Variants in BAZ2B observed in about 807,000 individuals in gnomAD.
BAZ2B encodes bromodomain adjacent to zinc finger domain protein 2B.
Under a neutral mutation model 246.0 loss-of-function variants are expected in BAZ2B, and 91 were observed. The ratio of observed to expected loss-of-function variants is 0.37; its 90% CI spans 0.31 to 0.44. The LOEUF (loss-of-function observed/expected upper bound fraction) is 0.44. BAZ2B is among the 20% of genes least tolerant of loss of function. The probability of loss-of-function intolerance (pLI) is 1.00; values close to 1 mark genes in which losing one functional copy is unlikely to be tolerated. For synonymous variants in BAZ2B, 855 were observed against 860.0 expected, an observed-to-expected ratio of 0.99 and a Z score of 0.10; for missense variants, 2,332 against 2,533.7, an observed-to-expected ratio of 0.92 and a Z score of 1.71.
intron 25 of BAZ2B, among the ~76,000 whole-genome samples, chr2:159,381,077 G>A (rs2061945469): frequency 6.6e-6 from 1 of 152,010 alleles, no homozygotes. Context: ...GAGCCTTGTG[G>A]GCTCCTATTA....
Position 159,382,754 on chromosome 2 carries a change from A to G in BAZ2B, c.3810T>C (p.Gly1270=). 1 of 1,613,744 alleles carries G rather than the reference A, an allele frequency of 6.2e-7. No individual in the cohort carries two copies. Among genetic ancestry groups the G allele is most frequent in the African/African-American group, 1.3e-5 (1 of 75,008 alleles). ...GCTGCTCTTCTCCCAGATCAATGCC[A>G]CCTGAAGTGTCTCTTTTGCCTGTTT... ...AKKTGKRDTS[G]GIDLGEEQHP... Residue 1270 remains glycine, a synonymous_variant, in exon 25 of 37, where the codon GGT becomes GGC. Transcript: ENST00000392783.
At chr2:159,519,071 A>C (rs2083749610) in intron 2 of BAZ2B, among the ~76,000 whole-genome samples, 1 of 152,142 alleles carries the variant, frequency 6.6e-6, no homozygotes. Flanking sequence ...CAGAGTGATA[A>C]CATAAGGAAA....
intron 1 of BAZ2B, among the ~76,000 whole-genome samples, chr2:159,588,401 G>A (rs1255944859): frequency 6.6e-6 from 1 of 151,900 alleles, no homozygotes; most frequent in Non-Finnish European, 1.5e-5. Flanking sequence ...GTTCATGCCT[G>A]TAATCTCAAC....
chr2:159,643,099 T>C, the BAZ2B span, among the ~76,000 whole-genome samples: 2 of 152,262 alleles, frequency 1.3e-5, no homozygotes, highest in Non-Finnish European at 2.9e-5. Flanking sequence ...TATGATAGAC[T>C]TGAATATCAC....
At chr2:159,641,426 A>G in the BAZ2B span, among the ~76,000 whole-genome samples, 1 of 151,892 alleles carries the variant, frequency 6.6e-6, no homozygotes, top group South Asian at 2.1e-4. Context: ...TTTTCTTGTA[A>G]ATTTGTTTAA....
intron 1 of BAZ2B, among the ~76,000 whole-genome samples, chr2:159,584,663 A>G (rs942292842): frequency 6.6e-6 from 1 of 152,218 alleles, no homozygotes; most frequent in African/African-American, 2.4e-5. Flanking sequence ...AAGAAGAGTC[A>G]AGAATGTAGA....
chr2:159,476,890 A>G lies in BAZ2B; in HGVS notation c.145+1685T>C, dbSNP rs2150900452. ...TCGCTATTTTTGAGCACAGTATATC[A>G]TCAGAGGCTTGGACACTTACAGTCC... On this transcript the variant is annotated intron_variant, in intron 3 of 36. Coordinates refer to ENST00000392783, the MANE Select transcript of BAZ2B (RefSeq NM_013450.4). Among the ~76,000 whole-genome samples the G allele has an allele frequency of 2.0e-5, 3 of 152,366 alleles. No individual in the cohort carries two copies. In the South Asian group the frequency reaches 6.2e-4, roughly 32 times the overall value.
Position 159,349,100 on chromosome 2 carries a change from C to G in BAZ2B, c.5044G>C (p.Val1682Leu). The G allele has an allele frequency of 6.2e-7, 1 of 1,614,038 alleles. No individual in the cohort carries two copies. Among genetic ancestry groups the G allele is most frequent in the Non-Finnish European group, 8.5e-7 (1 of 1,179,960 alleles). ...GAAGTGGCCTTTTCATTCTGTGGTA[C>G]TGGAGATTCACTTTTACTTGAAGCA... is the stretch of plus-strand genomic sequence containing the variant. ...NVASSKSESPVPQNEKATSAQ... is the reference protein window; with the variant it reads ...NVASSKSESPLPQNEKATSAQ... The change falls in exon 29 of 37, where the codon GTA (valine) becomes CTA (leucine). Residue 1682 changes from valine to leucine, a missense_variant. By Grantham distance (32) the Val-to-Leu change is conservative (BLOSUM62 1). Coordinates refer to ENST00000392783, the MANE Select transcript of BAZ2B (RefSeq NM_013450.4).
rs1357579112 is a variant in BAZ2B at position 159,348,923 on chromosome 2, GAA to G, written c.5137+82_5137+83del. Reference sequence around the variant, plus strand: ...TAAAAAGATTTATTAACTATATATAGAACCATCAAATATTCAGTTATAATACA... The same window carrying G: ...TAAAAAGATTTATTAACTATATATAGCCATCAAATATTCAGTTATAATACA... On this transcript the variant is annotated intron_variant, in intron 29 of 36. Transcript: ENST00000392783. 3 of 1,550,946 alleles carry G rather than the reference GAA, an allele frequency of 1.9e-6. No individual in the cohort carries two copies. In the Admixed American group the frequency reaches 5.7e-5, roughly 30 times the overall value.
intron 30 of BAZ2B, among the ~76,000 whole-genome samples, chr2:159,348,223 G>A (rs2058167736): frequency 6.6e-6 from 1 of 150,382 alleles, no homozygotes; most frequent in Non-Finnish European, 1.5e-5. Flanking sequence ...AGAAGGCTGA[G>A]GCAGGAAGAT....
At position 159,594,233 on chromosome 2, in the gene BAZ2B, C is replaced by T. The variant is rs1272715950; in HGVS notation, c.-46+22009G>A. Among the ~76,000 whole-genome samples the T allele has an allele frequency of 2.6e-5, 4 of 152,238 alleles. No individual in the cohort carries two copies. In the East Asian group the frequency reaches 7.7e-4, roughly 29 times the overall value. On this transcript the variant is annotated intron_variant, in intron 1 of 36. Transcript: ENST00000392783. ...CATACTGGCTAACACGGTGAAACCC[C>T]GTCTCTACTAAAAATACAAAAAAAT...
At chr2:159,676,952 T>TTATATATATATATATATA in the BAZ2B span, among the ~76,000 whole-genome samples, 2 of 117,828 alleles carry the variant, frequency 1.7e-5, no homozygotes, top group Non-Finnish European at 3.5e-5. Context: ...AATAGTTTTG[T>TTATATATATATATATATA]TATATATATA....
chr2:159,546,363 C>T (rs1235821280), intron 2 of BAZ2B, among the ~76,000 whole-genome samples: 1 of 151,522 alleles, frequency 6.6e-6, no homozygotes, highest in Non-Finnish European at 1.5e-5. Flanking sequence ...CCATGTGAGA[C>T]GTGACTCCTT....
Position 159,327,829 on chromosome 2 carries a change from C to T in BAZ2B, c.5944-1911G>A, listed in dbSNP as rs541314335. On this transcript the variant is annotated intron_variant, in intron 34 of 36. Coordinates refer to ENST00000392783, the MANE Select transcript of BAZ2B (RefSeq NM_013450.4). ...CTGTAATCCCAGCGCTTTGGGAGGCCCAATGGGGGCGGATCGCCTGAGGTC... is the reference window on the plus strand; with the variant it reads ...CTGTAATCCCAGCGCTTTGGGAGGCTCAATGGGGGCGGATCGCCTGAGGTC... Among the ~76,000 whole-genome samples the T allele has an allele frequency of 2.0e-5, 3 of 152,114 alleles. No individual in the cohort carries two copies. The South Asian group carries it at 6.2e-4, about 32-fold the overall frequency.
rs2063055970 is a variant in BAZ2B at position 159,389,401 on chromosome 2, C to G, written c.3160G>C (p.Glu1054Gln). 1 of 1,612,272 alleles carries G rather than the reference C, an allele frequency of 6.2e-7. No individual in the cohort carries two copies. Among genetic ancestry groups the G allele is most frequent in the African/African-American group, 1.3e-5 (1 of 74,858 alleles). ...GGCTTCTTTAGTTCCTTTGCCATTT[C>G]TAATTCTAATCTTCGCTGCTCTAGT... Reference protein sequence around the residue: ...RKLEQRRLELEMAKELKKPNE... With the variant: ...RKLEQRRLELQMAKELKKPNE... Residue 1054 changes from glutamate (E) to glutamine (Q), a missense_variant, in exon 21 of 37, where the codon GAA becomes CAA. By Grantham distance (29) the Glu-to-Gln change is conservative. Around this residue, in one of 9 missense-constraint regions of BAZ2B, gnomAD observed 328 missense variants for 410.4 expected, o/e 0.80. Transcript: ENST00000392783.
intron 1 of BAZ2B, among the ~76,000 whole-genome samples, chr2:159,600,996 T>G (rs1691999006): frequency 6.6e-6 from 1 of 152,030 alleles, no homozygotes. Context: ...CTCTCCCTCC[T>G]CCCACTCACA....
chr2:159,540,758 C>T (rs2086564415), intron 2 of BAZ2B, among the ~76,000 whole-genome samples: 1 of 152,170 alleles, frequency 6.6e-6, no homozygotes, highest in Non-Finnish European at 1.5e-5. Flanking sequence ...TGGAAACTAT[C>T]TGGTATATAA....
intron 32 of BAZ2B, 178 bp downstream of exon 32, chr2:159,337,389 A>G (rs2065863752): frequency 5.7e-6 from 8 of 1,396,860 alleles, no homozygotes; most frequent in Non-Finnish European, 7.7e-6. Context: ...ATACATAGAT[A>G]ACAGGCAATA....
Position 159,342,209 on chromosome 2 carries a change from T to C in BAZ2B, c.5455-4437A>G, listed in dbSNP as rs554779788. Among the ~76,000 whole-genome samples, 39 of 152,264 alleles carry C rather than the reference T, an allele frequency of 2.6e-4. No homozygotes were observed. In the South Asian group the frequency reaches 7.9e-3, roughly 31 times the overall value. On this transcript the variant is annotated intron_variant, in intron 31 of 36. Transcript: ENST00000392783. ...ATGGAAAAAATCCCATGGTCATAGA[T>C]AGGAAGACTAAATATCATTAAAATG...
Sources: allele counts gnomAD v4.1 joint callset (sites outside exome capture counted in the v4.1 genomes callset), GRCh38; gene constraint gnomAD v4.1.1; regional missense constraint gnomAD v4.1.1; transcripts MANE v1.5; gene names NCBI Gene and HGNC (gene_info 2026-07-23, HGNC 2026-07-21).